The following CLEC16A variants were observed in gnomAD, a reference collection of about 807,000 sequenced individuals.
CLEC16A encodes the protein C-type lectin domain containing 16A, also known as protein CLEC16A.
Under a neutral mutation model 109.5 loss-of-function variants are expected in CLEC16A, and 51 were observed. That is an observed-to-expected ratio of 0.47 (90% CI 0.37 to 0.59). The LOEUF (loss-of-function observed/expected upper bound fraction) is 0.59. CLEC16A is among the 20% of genes least tolerant of loss of function. The pLI is 0.00. For missense variants in CLEC16A, 1,339 were observed against 1,394.0 expected, an observed-to-expected ratio of 0.96 and a Z score of 0.63; for synonymous variants, 673 against 564.2, an observed-to-expected ratio of 1.19 and a Z score of -2.73.
chr16:11,103,703 C>A (rs547849225), intron 19 of CLEC16A, among the ~76,000 whole-genome samples: 37 of 152,264 alleles, frequency 2.4e-4, no homozygotes, highest in African/African-American at 8.4e-4. Context: ...TGTCCCATGG[C>A]ATGTAATTGT....
At chr16:11,150,982 A>T (rs920565972) in intron 22 of CLEC16A, among the ~76,000 whole-genome samples, 4 of 152,234 alleles carry the variant, frequency 2.6e-5, no homozygotes. Context: ...GCACAGACAT[A>T]TTGGATTAGG....
intron 20 of CLEC16A, 45 bp downstream of exon 20, chr16:11,120,811 A>C (rs200624127): frequency 9.6e-6 from 9 of 934,304 alleles, no homozygotes; most frequent in East Asian, 9.0e-5. Context: ...GTTGGCTACA[A>C]ACACACACAC....
intron 9 of CLEC16A, 29 bp from the exon 10 acceptor site, chr16:10,982,849 G>A (rs201417577): frequency 3.8e-6 from 5 of 1,328,088 alleles, no homozygotes; most frequent in Non-Finnish European, 5.4e-6. Context: ...ACACTTTCAT[G>A]CAAATCCCGT....
At position 11,114,335 on chromosome 16, in the gene CLEC16A, G is replaced by A. The variant is rs541636161; in HGVS notation, c.2117-6280G>A. 2.6e-5 allele frequency among the ~76,000 whole-genome samples: 4 copies of A among 152,146 alleles called. No homozygotes were observed. In the South Asian group the frequency reaches 8.3e-4, roughly 32 times the overall value. ...GATAATTTTCTTAATAGAATCCTAA[G>A]CCCCACCCCTGTAGAATTGGAGATT... is the stretch of plus-strand genomic sequence containing the variant. On this transcript the variant is annotated intron_variant, in intron 19 of 23. Transcript: ENST00000409790.
intron 22 of CLEC16A, among the ~76,000 whole-genome samples, chr16:11,142,812 A>T (rs996135364): frequency 1.3e-5 from 2 of 151,930 alleles, no homozygotes; most frequent in Non-Finnish European, 2.9e-5. Context: ...TTTCCAGTAA[A>T]CTTTTTTATT....
At chr16:10,995,862 A>G (rs983728294) in intron 10 of CLEC16A, among the ~76,000 whole-genome samples, 1 of 152,172 alleles carries the variant, frequency 6.6e-6, no homozygotes, top group Admixed American at 6.5e-5. Context: ...CAAATCGCTT[A>G]GCAGAGCTGT....
intron 19 of CLEC16A, among the ~76,000 whole-genome samples, chr16:11,098,112 C>G (rs1480432263): frequency 6.6e-6 from 1 of 152,204 alleles, no homozygotes; most frequent in East Asian, 1.9e-4. Flanking sequence ...TTCAGTGATC[C>G]CAGGTGATCC....
rs867926443 is a variant in CLEC16A at position 10,954,977 on chromosome 16, C to T, written c.81-2805C>T. 2.0e-5 allele frequency among the ~76,000 whole-genome samples: 3 copies of T among 152,360 alleles called. No individual in the cohort carries two copies. The highest frequency in any genetic ancestry group is 3.4e-3 in the Middle Eastern group (1 of 294). On this transcript the variant is annotated intron_variant, in intron 1 of 23. Transcript: ENST00000409790. This position sits in a 1 kb window ranked among gnomAD's most constrained non-coding sequence, Gnocchi z 4.2. Reference sequence around the variant, plus strand: ...TGTTGAGCCCTTGCTCTGTGCCAGGCGCTGTGCTTGGCTCTTTCTGTGCAT... The same window carrying T: ...TGTTGAGCCCTTGCTCTGTGCCAGGTGCTGTGCTTGGCTCTTTCTGTGCAT...
intron 14 of CLEC16A, 187 bp downstream of exon 14, chr16:11,040,063 G>A: frequency 1.6e-6 from 1 of 619,632 alleles, no homozygotes; most frequent in South Asian, 2.7e-5. Flanking sequence ...CTGTGTCTTA[G>A]CTCTGGGTCT....
intron 11 of CLEC16A, among the ~76,000 whole-genome samples, chr16:11,009,087 A>G (rs1373573568): frequency 6.6e-6 from 1 of 152,154 alleles, no homozygotes; most frequent in African/African-American, 2.4e-5. Flanking sequence ...TGTAAAACCA[A>G]AACTGTGCCC....
intron 22 of CLEC16A, among the ~76,000 whole-genome samples, chr16:11,127,028 A>G (rs749584456): frequency 2.0e-5 from 3 of 152,218 alleles, no homozygotes; most frequent in Non-Finnish European, 1.5e-5. Context: ...TTCATTATTT[A>G]TATGTATATA....
chr16:11,076,721 G>A (rs1474967862), intron 19 of CLEC16A, among the ~76,000 whole-genome samples: 1 of 152,190 alleles, frequency 6.6e-6, no homozygotes, highest in African/African-American at 2.4e-5. Context: ...GTGTAAGTCA[G>A]GAGAAGGCCA....
At chr16:11,021,618 G>A (rs983324109) in intron 12 of CLEC16A, among the ~76,000 whole-genome samples, 1 of 152,172 alleles carries the variant, frequency 6.6e-6, no homozygotes, top group African/African-American at 2.4e-5. Flanking sequence ...GTCACATAGT[G>A]AGACCCCATC....
At chr16:11,051,433 G>T in intron 17 of CLEC16A, 80 bp from the exon 18 acceptor site, 2 of 1,450,568 alleles carry the variant, frequency 1.4e-6, no homozygotes, top group Non-Finnish European at 1.9e-6. Context: ...GAAGGCGAGG[G>T]GCCTGTGCAA....
intron 3 of CLEC16A, among the ~76,000 whole-genome samples, chr16:10,967,273 C>G (rs2042559003): frequency 6.6e-6 from 1 of 152,160 alleles, no homozygotes; most frequent in Non-Finnish European, 1.5e-5. Context: ...TGATTCCCAA[C>G]AGACTGTTGA....
intron 20 of CLEC16A, among the ~76,000 whole-genome samples, chr16:11,123,392 A>G (rs1158337048): frequency 1.3e-5 from 2 of 152,218 alleles, no homozygotes; most frequent in African/African-American, 4.8e-5. Context: ...GCTTCTCAGA[A>G]GTAAGAGTTT....
chr16:10,979,207 G>A (rs1012259218), intron 8 of CLEC16A, 122 bp from the exon 9 acceptor site: 31 of 795,262 alleles, frequency 3.9e-5, no homozygotes, highest in South Asian at 1.2e-4. Context: ...CCCTAGGGCC[G>A]TGGAGGAAGT....
chr16:11,033,528 A>C (rs1426578721), intron 13 of CLEC16A, among the ~76,000 whole-genome samples: 1 of 152,124 alleles, frequency 6.6e-6, no homozygotes, highest in African/African-American at 2.4e-5. Flanking sequence ...CAGAGTCTGC[A>C]TTTGGTGGGG....
Position 10,974,582 on chromosome 16 carries a change from A to T in CLEC16A, c.728+1521A>T, listed in dbSNP as rs889194054. 3.9e-5 allele frequency among the ~76,000 whole-genome samples: 6 copies of T among 152,238 alleles called. No individual in the cohort carries two copies. In the South Asian group the frequency reaches 6.2e-4, roughly 16 times the overall value. ...CCAAAAATGTCCCCAGACATTGCCA[A>T]ATGTCCCCTTTAAGGCAAATTCACC... On this transcript the variant is annotated intron_variant, in intron 7 of 23. Coordinates refer to ENST00000409790, the MANE Select transcript of CLEC16A (RefSeq NM_015226.3).
Sources: gnomAD v4.1 joint callset for allele counts (sites outside exome capture counted in the v4.1 genomes callset) on GRCh38, gnomAD v4.1.1 for gene constraint, Gnocchi (gnomAD v3.1) non-coding constraint, MANE v1.5 for transcripts, NCBI Gene and HGNC (gene_info 2026-07-23, HGNC 2026-07-21) for gene names.